LRRC4B: variants seen among roughly 807,000 people sequenced by gnomAD.
The protein encoded by LRRC4B is leucine rich repeat containing 4B.
In LRRC4B, 1 loss-of-function variant was observed where a neutral mutation model predicts 7.3. The observed-to-expected ratio is 0.14, with a 90% CI of 0.05 to 0.65. LRRC4B has a LOEUF of 0.65. LRRC4B is among the 30% of genes least tolerant of loss of function. The pLI is 0.84. For synonymous variants in LRRC4B, 500 were observed against 499.2 expected, an observed-to-expected ratio of 1.00 and a Z score of -0.02; for missense variants, 730 against 1,041.6, an observed-to-expected ratio of 0.70 and a Z score of 4.12.
intron 1 of LRRC4B, among the ~76,000 whole-genome samples, chr19:50,549,944 G>A (rs1189432067): frequency 6.6e-6 from 1 of 152,132 alleles, no homozygotes; most frequent in African/African-American, 2.4e-5. Context: ...CGGGCCCTCT[G>A]AGAAGTCACG....
At chr19:50,567,509 C>T (rs1017912870) in intron 1 of LRRC4B, among the ~76,000 whole-genome samples, 2 of 151,442 alleles carry the variant, frequency 1.3e-5, no homozygotes, top group Non-Finnish European at 3.0e-5. Flanking sequence ...ACTGGCGTGC[C>T]CCCCCCACCC....
rs1340429457 is a variant in LRRC4B at position 50,521,212 on chromosome 19, G to A, written c.298-1797C>T. 5.3e-5 allele frequency among the ~76,000 whole-genome samples: 8 copies of A among 152,190 alleles called. No homozygotes were observed. The East Asian group carries it at 9.7e-4, about 18-fold the overall frequency. On this transcript the variant is annotated intron_variant, in intron 2 of 2. Transcript: ENST00000652263. ...ACAAAGGAGCCGGTGCGGTGGATCC[G>A]TCCACACCATGCTCTGGGTGTTCTA...
rs1056324526 is a variant in LRRC4B, at chr19:50,563,081, T to C, written c.-36+4863A>G. On this transcript the variant is annotated intron_variant, in intron 1 of 2. Transcript: ENST00000652263. The surrounding 1 kb of genome is among the most constrained non-coding windows in gnomAD (Gnocchi z 4.9). The stretch of plus-strand genomic sequence containing the variant: ...AACCTCCCACCAGGATCCCAGATAC[T>C]ACCAGACACCCCCCATTCTCACTCT... 6.6e-6 allele frequency among the ~76,000 whole-genome samples: 1 copy of C among 152,036 alleles called. No homozygotes were observed. Among genetic ancestry groups the C allele is most frequent in the African/African-American group, 2.4e-5 (1 of 41,390 alleles).
In LRRC4B at chr19:50,520,882, T is replaced by C. The variant is rs543042594; in HGVS notation, c.298-1467A>G. 1.5e-4 allele frequency among the ~76,000 whole-genome samples: 23 copies of C among 152,322 alleles called. 1 individual carries two copies. In the South Asian group the frequency reaches 4.8e-3, roughly 32 times the overall value. ...GTGGCCATCCGACCCGGCTGTTCCATTCCTGGGTATTTCCTCAAGAGAAAT... is the reference window on the plus strand; with the variant it reads ...GTGGCCATCCGACCCGGCTGTTCCACTCCTGGGTATTTCCTCAAGAGAAAT... On this transcript the variant is annotated intron_variant, in intron 2 of 2. Transcript: ENST00000652263.
intron 2 of LRRC4B, among the ~76,000 whole-genome samples, chr19:50,530,156 C>A (rs961601402): frequency 6.6e-6 from 1 of 152,184 alleles, no homozygotes; most frequent in Non-Finnish European, 1.5e-5. Context: ...CCTGGGCCCG[C>A]CGCAGCCTCC....
rs139030173 is a variant in LRRC4B, at chr19:50,553,711, C to T, written c.-35-4838G>A. ...TCCGTGCGCTTGAAGGCAAGTTTCCCGAGGGCAGTCAGTTTGTGACTATTT... is the reference window on the plus strand; with the variant it reads ...TCCGTGCGCTTGAAGGCAAGTTTCCTGAGGGCAGTCAGTTTGTGACTATTT... On this transcript the variant is annotated intron_variant, in intron 1 of 2. Transcript: ENST00000652263. This position sits in a 1 kb window ranked among gnomAD's most constrained non-coding sequence, Gnocchi z 4.2. Among the ~76,000 whole-genome samples the T allele has an allele frequency of 3.5e-3, 530 of 152,266 alleles. 5 individuals are homozygous for T. The highest frequency in any genetic ancestry group is 0.012 in the African/African-American group (501 of 41,542).
chr19:50,527,897 A>G (rs1980888422), intron 2 of LRRC4B, among the ~76,000 whole-genome samples: 1 of 151,480 alleles, frequency 6.6e-6, no homozygotes, highest in Admixed American at 6.6e-5. Flanking sequence ...ACGCACCACC[A>G]CACCCGGCTA....
intron 2 of LRRC4B, among the ~76,000 whole-genome samples, chr19:50,522,950 T>C (rs1980646277): frequency 1.3e-5 from 2 of 152,218 alleles, no homozygotes; most frequent in Non-Finnish European, 2.9e-5. Context: ...ACACGAAGGA[T>C]GATGAATTAG....
rs181594848 is a variant in LRRC4B at position 50,527,888 on chromosome 19, C to T, written c.298-8473G>A. On this transcript the variant is annotated intron_variant, in intron 2 of 2. Coordinates refer to ENST00000652263, the MANE Select transcript of LRRC4B (RefSeq NM_001080457.2). ...TCTGGAGTAGCTGGGACTACAGGCA[C>T]GCACCACCACACCCGGCTAATTTTT... 1.6e-4 allele frequency among the ~76,000 whole-genome samples: 25 copies of T among 151,866 alleles called. No homozygotes were observed. In the East Asian group the frequency reaches 3.3e-3, roughly 20 times the overall value.
chr19:50,544,440 G>T (rs1396684548), intron 2 of LRRC4B, among the ~76,000 whole-genome samples: 1 of 151,714 alleles, frequency 6.6e-6, no homozygotes, highest in East Asian at 1.9e-4. Flanking sequence ...CCGGGAGGCG[G>T]AGCTTGCAGT....
chr19:50,536,275 A>G (rs969297773), intron 2 of LRRC4B, among the ~76,000 whole-genome samples: 2 of 152,066 alleles, frequency 1.3e-5, no homozygotes, highest in Non-Finnish European at 2.9e-5. Context: ...CTGGGATTAC[A>G]GTAACACATC....
At chr19:50,526,157 C>T (rs991606496) in intron 2 of LRRC4B, among the ~76,000 whole-genome samples, 2 of 152,122 alleles carry the variant, frequency 1.3e-5, no homozygotes, top group African/African-American at 2.4e-5. Context: ...GCCACCAAGG[C>T]GACAATGACA....
chr19:50,521,335 G>GTTGAAA (rs1395281034), intron 2 of LRRC4B, among the ~76,000 whole-genome samples: 19 of 152,120 alleles, frequency 1.2e-4, no homozygotes, highest in Non-Finnish European at 2.5e-4. Context: ...TGCTACATTG[G>GTTGAAA]CGTGGTGGTT....
At chr19:50,534,118 T>A (rs1277727488) in intron 2 of LRRC4B, among the ~76,000 whole-genome samples, 1 of 152,058 alleles carries the variant, frequency 6.6e-6, no homozygotes, top group East Asian at 1.9e-4. Flanking sequence ...GGGATCCAGC[T>A]GTGGACAAGA....
intron 1 of LRRC4B, among the ~76,000 whole-genome samples, chr19:50,552,645 C>CGTCAATCCATCT (rs1982126126): frequency 9.9e-6 from 1 of 101,096 alleles, no homozygotes; most frequent in African/African-American, 3.9e-5. Flanking sequence ...TCCGCCCATC[C>CGTCAATCCATCT]GTCCATCCAT....
intron 1 of LRRC4B, among the ~76,000 whole-genome samples, chr19:50,550,236 G>A (rs371214420): frequency 1.3e-5 from 2 of 152,058 alleles, no homozygotes. Flanking sequence ...GCGCAGAGGG[G>A]GTACTTCGGC....
chr19:50,559,462 T>G (rs1009161935), intron 1 of LRRC4B, among the ~76,000 whole-genome samples: 3 of 152,154 alleles, frequency 2.0e-5, no homozygotes, highest in African/African-American at 7.2e-5. Context: ...AAACTGAACT[T>G]CCAGGTCCCT....
chr19:50,551,410 T>G, intron 1 of LRRC4B, among the ~76,000 whole-genome samples: 1 of 150,168 alleles, frequency 6.7e-6, no homozygotes, highest in Non-Finnish European at 1.5e-5. Flanking sequence ...ACTGCAGCAG[T>G]TCTCTGCTCC....
In LRRC4B at chr19:50,517,415, AG is replaced by A. The variant is rs1240223811; in HGVS notation, c.*155del. The A allele has an allele frequency of 3.5e-6, 2 of 572,180 alleles. No homozygotes were observed. The highest frequency in any genetic ancestry group is 5.2e-6 in the Non-Finnish European group (2 of 382,170). 35.4% of individuals were successfully genotyped at this position (572,180 alleles called of 1,614,324 possible). On this transcript the variant is annotated 3_prime_UTR_variant, in exon 3 of 3. Coordinates refer to ENST00000652263, the MANE Select transcript of LRRC4B (RefSeq NM_001080457.2). The surrounding 1 kb of genome is among the most constrained non-coding windows in gnomAD (Gnocchi z 6.6). ...CCACCCTGTCCTTACTGGGGGTCCGAGCCCCAGATGGGGCTGGAAGCCACCT... is the reference window on the plus strand; with the variant it reads ...CCACCCTGTCCTTACTGGGGGTCCGACCCCAGATGGGGCTGGAAGCCACCT...
Sources: allele counts gnomAD v4.1 joint callset (sites outside exome capture counted in the v4.1 genomes callset), GRCh38; gene constraint gnomAD v4.1.1; non-coding constraint Gnocchi (gnomAD v3.1); transcripts MANE v1.5; gene names NCBI Gene and HGNC (gene_info 2026-07-23, HGNC 2026-07-21).